Variants in SLCO3A1 observed in about 807,000 individuals in gnomAD.
The protein encoded by SLCO3A1 is PGE1 transporter.
SLCO3A1 carries 27 observed loss-of-function variants against 63.1 expected under a neutral mutation model. That is an observed-to-expected ratio of 0.43 (90% CI 0.32 to 0.59). SLCO3A1 has a LOEUF of 0.59. SLCO3A1 is among the 20% of genes least tolerant of loss of function. The probability of loss-of-function intolerance (pLI) is 0.09; values close to 1 mark genes in which losing one functional copy is unlikely to be tolerated. For synonymous variants in SLCO3A1, 473 were observed against 409.9 expected (o/e 1.15, Z -1.86); for missense variants, 773 against 945.8 (o/e 0.82, Z 2.40).
intron 2 of SLCO3A1, among the ~76,000 whole-genome samples, chr15:91,990,598 T>G (rs1186499169): frequency 6.6e-6 from 1 of 151,828 alleles, no homozygotes; most frequent in African/African-American, 2.4e-5. Context: ...TATACTCAGT[T>G]GTGTATTACC....
At chr15:91,952,702 A>G (rs1900040127) in intron 2 of SLCO3A1, among the ~76,000 whole-genome samples, 1 of 152,218 alleles carries the variant, frequency 6.6e-6, no homozygotes, top group African/African-American at 2.4e-5. Flanking sequence ...TCCGAAATCA[A>G]TAGGGTGACT....
intron 2 of SLCO3A1, among the ~76,000 whole-genome samples, chr15:92,021,080 G>C (rs867773566): frequency 7.9e-5 from 12 of 152,314 alleles, no homozygotes; most frequent in South Asian, 2.1e-4. Context: ...GGTTTTCCCA[G>C]ACATGTCTAA....
chr15:91,924,817 A>C (rs906593890), intron 2 of SLCO3A1, among the ~76,000 whole-genome samples: 2 of 152,232 alleles, frequency 1.3e-5, no homozygotes, highest in Admixed American at 6.5e-5. Context: ...GCACGGTTCA[A>C]GGTTCCCCGA....
chr15:91,995,577 T>G (rs2046180952), intron 2 of SLCO3A1, among the ~76,000 whole-genome samples: 1 of 152,184 alleles, frequency 6.6e-6, no homozygotes, highest in African/African-American at 2.4e-5. Flanking sequence ...AGTAGTTATA[T>G]TCTTGTGAGG....
intron 2 of SLCO3A1, among the ~76,000 whole-genome samples, chr15:92,024,020 T>C (rs28700927): frequency 0.16 from 24,379 of 152,198 alleles, 2,210 homozygotes; most frequent in South Asian, 0.36. Context: ...ATGTGGTCCC[T>C]GGTTCCTCTG....
At chr15:91,959,593 G>A (rs546296355) in intron 2 of SLCO3A1, among the ~76,000 whole-genome samples, 34 of 151,672 alleles carry the variant, frequency 2.2e-4, no homozygotes, top group Non-Finnish European at 4.1e-4. Flanking sequence ...TTCGCTGGGT[G>A]TGGTGGTGGG....
intron 2 of SLCO3A1, 43 bp from the exon 3 acceptor site, chr15:92,094,838 A>G: frequency 7.7e-7 from 1 of 1,303,600 alleles, no homozygotes; most frequent in Non-Finnish European, 1.1e-6. Flanking sequence ...CTCATCGAAT[A>G]GCTTCTGTTT....
chr15:92,100,406 CTG>C (rs2047591595), intron 3 of SLCO3A1, among the ~76,000 whole-genome samples: 1 of 152,238 alleles, frequency 6.6e-6, no homozygotes. Flanking sequence ...GCCTGGGATA[CTG>C]TCTCTACCTC....
At chr15:92,041,269 T>A (rs1280911343) in intron 2 of SLCO3A1, among the ~76,000 whole-genome samples, 1 of 152,144 alleles carries the variant, frequency 6.6e-6, no homozygotes, top group Non-Finnish European at 1.5e-5. Flanking sequence ...TTTCCATCAA[T>A]CAACAGGTAT....
intron 2 of SLCO3A1, among the ~76,000 whole-genome samples, chr15:91,975,777 G>T (rs1349971309): frequency 6.6e-6 from 1 of 152,200 alleles, no homozygotes; most frequent in Non-Finnish European, 1.5e-5. Flanking sequence ...CCCAGTGGTG[G>T]ACGCTCCAAG....
intron 1 of SLCO3A1, among the ~76,000 whole-genome samples, chr15:91,915,553 T>C (rs1369421356): frequency 1.3e-5 from 2 of 152,192 alleles, no homozygotes; most frequent in East Asian, 3.8e-4. Flanking sequence ...GCTAACCTCC[T>C]GCGGAAAATC....
Position 91,916,185 on chromosome 15 carries a change from C to T in SLCO3A1, c.373C>T (p.Leu125=), listed in dbSNP as rs1295986437. ...GGCGCTGGGCGCGCTGCTGTCGGCG[C>T]TGCCCGAGTTCCTGACCCACCAGTA... ...VMALGALLSA[L]PEFLTHQYKY... The change falls in exon 2 of 10, where the codon CTG becomes TTG. Residue 125 remains leucine, a synonymous_variant. Transcript: ENST00000318445. The surrounding 1 kb of genome is among the most constrained non-coding windows in gnomAD (Gnocchi z 6.2). The T allele has an allele frequency of 6.3e-7, 1 of 1,597,840 alleles. No individual in the cohort carries two copies. Among genetic ancestry groups the T allele is most frequent in the African/African-American group, 1.3e-5 (1 of 74,580 alleles).
intron 2 of SLCO3A1, among the ~76,000 whole-genome samples, chr15:91,985,094 C>G (rs1373270914): frequency 6.6e-6 from 1 of 152,142 alleles, no homozygotes; most frequent in Non-Finnish European, 1.5e-5. Context: ...TCCCAAAGCC[C>G]CCATCGTGGC....
chr15:92,064,530 A>G (rs551505284), intron 2 of SLCO3A1, among the ~76,000 whole-genome samples: 3 of 152,312 alleles, frequency 2.0e-5, no homozygotes, highest in East Asian at 3.9e-4. Context: ...CCAGTGTCCT[A>G]AAGTGTCTTC....
intron 2 of SLCO3A1, among the ~76,000 whole-genome samples, chr15:91,964,823 G>T (rs1023355948): frequency 1.3e-5 from 2 of 152,004 alleles, no homozygotes; most frequent in Non-Finnish European, 2.9e-5. Flanking sequence ...TGAAGAAGTG[G>T]CAGCTCACAG....
intron 2 of SLCO3A1, among the ~76,000 whole-genome samples, chr15:92,047,072 A>AAAT (rs1567086895): frequency 5.8e-4 from 3 of 5,196 alleles, no homozygotes; most frequent in African/African-American, 1.6e-3. Context: ...TATATATACA[A>AAAT]ATATATATAA....
chr15:92,045,748 A>T (rs2046853650), intron 2 of SLCO3A1, among the ~76,000 whole-genome samples: 1 of 152,190 alleles, frequency 6.6e-6, no homozygotes, highest in African/African-American at 2.4e-5. Context: ...AGGTGCATTT[A>T]TTGAGCTACT....
chr15:92,015,097 G>A (rs1351216715), intron 2 of SLCO3A1, among the ~76,000 whole-genome samples: 1 of 152,158 alleles, frequency 6.6e-6, no homozygotes, highest in African/African-American at 2.4e-5. Context: ...TTTCAGGTGG[G>A]AGAGCTCTTT....
intron 2 of SLCO3A1, among the ~76,000 whole-genome samples, chr15:92,017,938 C>T (rs2046460229): frequency 6.6e-6 from 1 of 152,064 alleles, no homozygotes; most frequent in Non-Finnish European, 1.5e-5. Context: ...AGGCTCAGAA[C>T]AGTTGGAGGT....
Sources: allele counts gnomAD v4.1 joint callset (sites outside exome capture counted in the v4.1 genomes callset), GRCh38; gene constraint gnomAD v4.1.1; non-coding constraint Gnocchi (gnomAD v3.1); transcripts MANE v1.5; gene names NCBI Gene and HGNC (gene_info 2026-07-23, HGNC 2026-07-21).